The following FRY variants were observed in gnomAD, a reference collection of about 807,000 sequenced individuals.
The protein encoded by FRY is protein furry homolog.
In FRY, 128 loss-of-function variants were observed where a neutral mutation model predicts 348.4. That is an observed-to-expected ratio of 0.37 (90% CI 0.32 to 0.43). FRY has a LOEUF of 0.43. Ranked by LOEUF, FRY falls within the 20% of genes least tolerant of loss-of-function variation. The pLI is 1.00. For missense variants in FRY, 2,736 were observed against 3,695.2 expected (o/e 0.74, Z 6.73); for synonymous variants, 1,370 against 1,374.7 (o/e 1.00, Z 0.08).
chr13:32,184,635 G>C lies in FRY; in HGVS notation c.3090G>C (p.Arg1030Ser). The C allele has an allele frequency of 6.2e-7, 1 of 1,613,752 alleles. No individual in the cohort carries two copies. Among genetic ancestry groups the C allele is most frequent in the Non-Finnish European group, 8.5e-7 (1 of 1,179,610 alleles). Residue 1030 changes from arginine (R) to serine (S), a missense_variant, in exon 25 of 61, where the codon AGG becomes AGC. Around this residue, in one of 9 missense-constraint regions of FRY, gnomAD observed 449 missense variants for 576.9 expected, o/e 0.78. Transcript: ENST00000542859. ...GCCGAGAACGGCGAGACTTGTTAAG[G>C]CTACAACTACTTCGAATTTTTGAAC... Reference protein sequence around the residue: ...KKRRERRDLLRLQLLRIFELL... With the variant: ...KKRRERRDLLSLQLLRIFELL...
chr13:32,265,642 G>C (rs1887882474), intron 54 of FRY, 26 bp downstream of exon 54: 1 of 1,608,688 alleles, frequency 6.2e-7, no homozygotes, highest in Non-Finnish European at 8.5e-7. Flanking sequence ...GCTGATGTGA[G>C]TGGTGTGAAT....
intron 39 of FRY, 87 bp downstream of exon 39, chr13:32,226,061 T>C: frequency 8.8e-7 from 1 of 1,129,956 alleles, no homozygotes; most frequent in South Asian, 1.3e-5. Context: ...CCAAGTTAAC[T>C]TCTCTCATGC....
intron 53 of FRY, among the ~76,000 whole-genome samples, chr13:32,262,702 T>C (rs1887722928): frequency 6.6e-6 from 1 of 152,200 alleles, no homozygotes; most frequent in African/African-American, 2.4e-5. Context: ...AAAGACTTGA[T>C]TTGAGGTCTT....
intron 50 of FRY, among the ~76,000 whole-genome samples, chr13:32,253,404 CT>C (rs1343823676): frequency 6.6e-6 from 1 of 152,142 alleles, no homozygotes; most frequent in Non-Finnish European, 1.5e-5. Context: ...ATTTTGCCTA[CT>C]TTTCAAGGAC....
intron 55 of FRY, among the ~76,000 whole-genome samples, 178 bp from the exon 56 acceptor site, chr13:32,274,664 A>C (rs1476947388): frequency 7.6e-6 from 1 of 131,258 alleles, no homozygotes; most frequent in Non-Finnish European, 1.6e-5. Flanking sequence ...AGATCGCGCC[A>C]CTGCACTCCA....
chr13:32,160,584 G>A (rs205007), intron 16 of FRY, among the ~76,000 whole-genome samples: 122,006 of 152,166 alleles, frequency 0.8, 49,523 homozygotes, highest in East Asian at 1. Context: ...GAGGCCCATC[G>A]GTATCACTTT....
chr13:32,249,389 GA>G, intron 48 of FRY, 136 bp from the exon 49 acceptor site: 1 of 848,428 alleles, frequency 1.2e-6, no homozygotes, highest in Non-Finnish European at 1.9e-6. Flanking sequence ...TTGAGAAAAT[GA>G]GCCCACTTGT....
intron 17 of FRY, among the ~76,000 whole-genome samples, chr13:32,162,854 T>A (rs1441211682): frequency 1.3e-5 from 2 of 151,972 alleles, no homozygotes; most frequent in African/African-American, 4.8e-5. Flanking sequence ...GAGTGAAGAG[T>A]ACATTCCCTG....
At chr13:32,036,715 C>T (rs1004721814) in intron 1 of FRY, among the ~76,000 whole-genome samples, 2 of 151,390 alleles carry the variant, frequency 1.3e-5, no homozygotes, top group Non-Finnish European at 2.9e-5. Flanking sequence ...TTTCCAATAA[C>T]CCTGTGAGTT....
intron 11 of FRY, among the ~76,000 whole-genome samples, chr13:32,144,994 A>C (rs2762041): frequency 0.69 from 104,402 of 152,004 alleles, 36,622 homozygotes; most frequent in Non-Finnish European, 0.78. Context: ...GAGGACATCC[A>C]AGCCCACTAT....
intron 53 of FRY, among the ~76,000 whole-genome samples, chr13:32,263,048 A>G (rs545345142): frequency 6.6e-6 from 1 of 152,396 alleles, no homozygotes; most frequent in South Asian, 2.1e-4. Context: ...TTAATTAGAA[A>G]AAATCTAACA....
intron 41 of FRY, among the ~76,000 whole-genome samples, chr13:32,232,732 A>C (rs974286486): frequency 1.3e-5 from 2 of 152,206 alleles, no homozygotes; most frequent in African/African-American, 4.8e-5. Flanking sequence ...CATGGGCCAG[A>C]ACTCGGGCAC....
In FRY at chr13:32,228,734, G is replaced by A. The variant is rs142270381; in HGVS notation, c.5405+80G>A. ...GCCAACGCTTTAAACCACACAGATG[G>A]AAAAGTGATCCTGGGGTTCTAACAA... On this transcript the variant is annotated intron_variant, in intron 40 of 60. Transcript: ENST00000542859. The A allele has an allele frequency of 1.2e-3, 1,460 of 1,179,368 alleles. 13 individuals carry two copies. The African/African-American group carries it at 0.017, about 14-fold the overall frequency. The allele number at this position is 1,179,368 out of a possible 1,614,324, so 73.1% of individuals were successfully genotyped here. A position where few individuals can be genotyped will look rare whatever the true frequency, so the allele number is the denominator to read the frequency against.
chr13:32,135,044 C>T (rs1879617501), intron 9 of FRY, 41 bp from the exon 10 acceptor site: 1 of 1,546,328 alleles, frequency 6.5e-7, no homozygotes, highest in Non-Finnish European at 8.9e-7. Flanking sequence ...ACAAAATCAA[C>T]AATTTTATTA....
Position 32,237,727 on chromosome 13 carries a change from G to A in FRY, c.6159G>A (p.Glu2053=), listed in dbSNP as rs141778850. The A allele has an allele frequency of 3.1e-6, 5 of 1,614,194 alleles. No homozygotes were observed. Among genetic ancestry groups the A allele is most frequent in the Middle Eastern group, 1.7e-4 (1 of 6,058 alleles). ...TCTGGGTCACAGTGGCCTTGATGGA[G>A]TCTGATTTTGAGTTTGAATACTTAA... is the stretch of plus-strand genomic sequence containing the variant. ...TIFWVTVALM[E]SDFEFEYLMA... Residue 2053 remains glutamate (E), a synonymous_variant, in exon 44 of 61, where the codon GAG becomes GAA. Coordinates refer to ENST00000542859, the MANE Select transcript of FRY (RefSeq NM_023037.3). This position sits in a 1 kb window ranked among gnomAD's most constrained non-coding sequence, Gnocchi z 6.3.
chr13:32,171,224 C>A lies in FRY; in HGVS notation c.2105C>A (p.Thr702Lys). Reference sequence around the variant, plus strand: ...ACCCAGTGGAAACTAGTCATCCAGACACAAGGAAAAGTCTATGAACAAGCC... The same window carrying A: ...ACCCAGTGGAAACTAGTCATCCAGAAACAAGGAAAAGTCTATGAACAAGCC... ...LLTQWKLVIQTQGKVYEQANK... is the reference protein window; with the variant it reads ...LLTQWKLVIQKQGKVYEQANK... Residue 702 changes from threonine (T) to lysine (K), a missense_variant, in exon 18 of 61, where the codon ACA becomes AAA. Physicochemically the swap from Thr to Lys is moderately conservative, Grantham distance 78 (BLOSUM62 -1). This residue lies in a region of FRY where 449 missense variants were observed against 576.9 expected (regional missense o/e 0.78). Transcript: ENST00000542859. The A allele has an allele frequency of 6.2e-7, 1 of 1,605,952 alleles. No homozygotes were observed. The highest frequency in any genetic ancestry group is 8.5e-7 in the Non-Finnish European group (1 of 1,175,444).
Position 32,186,284 on chromosome 13 carries a change from C to T in FRY, c.3344C>T (p.Pro1115Leu). The change falls in exon 27 of 61, where the codon CCC becomes CTC. Residue 1115 changes from proline to leucine, a missense_variant. Physicochemically the swap from Pro to Leu is moderately conservative, Grantham distance 98. Coordinates refer to ENST00000542859, the MANE Select transcript of FRY (RefSeq NM_023037.3). The part of the protein sequence containing the change: ...VPVHHRRFLF[P>L]QQSLRHHLFI... Reference sequence around the variant, plus strand: ...GTTCACCACCGAAGATTTCTCTTCCCCCAGCAAAGTCTGAGGCACCACCTT... The same window carrying T: ...GTTCACCACCGAAGATTTCTCTTCCTCCAGCAAAGTCTGAGGCACCACCTT... The T allele has an allele frequency of 1.2e-6, 2 of 1,613,718 alleles. No homozygotes were observed. The highest frequency in any genetic ancestry group is 1.7e-6 in the Non-Finnish European group (2 of 1,179,670).
Position 32,124,667 on chromosome 13 carries a change from T to G in FRY, c.621T>G (p.Phe207Leu), listed in dbSNP as rs1209170675. ...HDVINLAFKHFKYKEGYLGPN... is the reference protein window; with the variant it reads ...HDVINLAFKHLKYKEGYLGPN... ...TTATTAACTTGGCTTTCAAGCACTT[T>G]AAATACAAAGAAGGGTAAGATGATT... Residue 207 changes from phenylalanine (F) to leucine (L), a missense_variant, in exon 6 of 61, where the codon TTT becomes TTG. Physicochemically the swap from Phe to Leu is conservative, Grantham distance 22 (BLOSUM62 0). Transcript: ENST00000542859. 1 of 1,577,948 alleles carries G rather than the reference T, an allele frequency of 6.3e-7. No individual in the cohort carries two copies. Among genetic ancestry groups the G allele is most frequent in the Non-Finnish European group, 8.7e-7 (1 of 1,147,000 alleles).
At chr13:32,203,090 C>T (rs1884136136) in intron 31 of FRY, among the ~76,000 whole-genome samples, 1 of 152,058 alleles carries the variant, frequency 6.6e-6, no homozygotes, top group Non-Finnish European at 1.5e-5. Flanking sequence ...GCAGTGTAGG[C>T]ATAAACATAC....
Sources: gnomAD v4.1 joint callset for allele counts (sites outside exome capture counted in the v4.1 genomes callset) on GRCh38, gnomAD v4.1.1 for gene constraint, gnomAD v4.1.1 regional missense constraint, Gnocchi (gnomAD v3.1) non-coding constraint, MANE v1.5 for transcripts, NCBI Gene and HGNC (gene_info 2026-07-23, HGNC 2026-07-21) for gene names.